Variants in HDAC9 observed in about 807,000 individuals in gnomAD.
HDAC9 encodes MEF-2 interacting transcription repressor (MITR) protein.
A neutral mutation model predicts 139.4 loss-of-function variants in HDAC9; 41 were observed. The ratio of observed to expected loss-of-function variants is 0.29; its 90% CI spans 0.23 to 0.38. The LOEUF is 0.38. Ranked by LOEUF, HDAC9 falls within the 10% of genes least tolerant of loss-of-function variation. HDAC9 has a pLI of 1.00. For synonymous variants in HDAC9, 517 were observed against 476.2 expected, an observed-to-expected ratio of 1.09 and a Z score of -1.12; for missense variants, 1,147 against 1,297.0, an observed-to-expected ratio of 0.88 and a Z score of 1.78.
At chr7:18,363,660 T>C (rs916432888) in intron 1 of HDAC9, among the ~76,000 whole-genome samples, 1 of 152,168 alleles carries the variant, frequency 6.6e-6, no homozygotes, top group African/African-American at 2.4e-5. Context: ...TTTCTGTTTC[T>C]AATTTGCCCC....
At chr7:18,125,491 T>C (rs749475798) in intron 1 of HDAC9, among the ~76,000 whole-genome samples, 1 of 152,012 alleles carries the variant, frequency 6.6e-6, no homozygotes, top group African/African-American at 2.4e-5. Flanking sequence ...TGGCTCATGA[T>C]ATATATGATT....
chr7:18,178,550 C>T (rs1010772175), intron 2 of HDAC9, among the ~76,000 whole-genome samples: 1 of 152,154 alleles, frequency 6.6e-6, no homozygotes, highest in Non-Finnish European at 1.5e-5. Context: ...GACCTACCAC[C>T]CTCTTTCCTT....
At chr7:18,358,011 C>G (rs1457683607) in intron 1 of HDAC9, among the ~76,000 whole-genome samples, 1 of 152,094 alleles carries the variant, frequency 6.6e-6, no homozygotes, top group Non-Finnish European at 1.5e-5. Flanking sequence ...GAGAGGGGCT[C>G]ATATGAATGT....
At chr7:18,397,086 A>G (rs1376635196) in intron 1 of HDAC9, among the ~76,000 whole-genome samples, 4 of 152,220 alleles carry the variant, frequency 2.6e-5, no homozygotes, top group African/African-American at 9.6e-5. Context: ...GTATTGAGAG[A>G]ATAGATTTAG....
At chr7:18,789,286 G>GCGCGCGCACACACACACACACA (rs146066951) in intron 16 of HDAC9, among the ~76,000 whole-genome samples, 8 of 148,394 alleles carry the variant, frequency 5.4e-5, no homozygotes, top group Admixed American at 2.7e-4. Flanking sequence ...ACACATACAC[G>GCGCGCGCACACACACACACACA]CACACACACA....
At chr7:18,232,706 A>G (rs755704528) in intron 2 of HDAC9, among the ~76,000 whole-genome samples, 29 of 152,178 alleles carry the variant, frequency 1.9e-4, no homozygotes, top group Non-Finnish European at 3.5e-4. Flanking sequence ...ATCAGATTGG[A>G]TTACAATAAT....
intron 1 of HDAC9, among the ~76,000 whole-genome samples, chr7:18,096,397 A>G (rs775860124): frequency 1.3e-5 from 2 of 152,202 alleles, no homozygotes; most frequent in Non-Finnish European, 2.9e-5. Flanking sequence ...TGCAAACAAC[A>G]TGATGAAAAT....
intron 25 of HDAC9, among the ~76,000 whole-genome samples, chr7:18,985,922 T>C (rs1785310163): frequency 4.8e-5 from 3 of 62,474 alleles, no homozygotes; most frequent in Non-Finnish European, 8.0e-5. Flanking sequence ...GGGTTGTTTG[T>C]TTTTTTCTTG....
chr7:18,525,034 A>G (rs145142200), intron 2 of HDAC9, among the ~76,000 whole-genome samples: 2 of 152,310 alleles, frequency 1.3e-5, no homozygotes, highest in East Asian at 3.9e-4. Flanking sequence ...AAGATTTAAT[A>G]ATAGTAATGG....
intron 1 of HDAC9, among the ~76,000 whole-genome samples, chr7:18,128,882 A>AT (rs1328708433): frequency 6.7e-6 from 1 of 149,320 alleles, no homozygotes; most frequent in Non-Finnish European, 1.5e-5. Context: ...CTCATTGCTC[A>AT]TTTTTTTCCT....
chr7:18,844,857 C>T (rs1796806888), intron 21 of HDAC9, among the ~76,000 whole-genome samples: 2 of 152,082 alleles, frequency 1.3e-5, no homozygotes, highest in African/African-American at 4.8e-5. Context: ...CTTTATATAC[C>T]CATGTTGCCT....
At chr7:18,287,324 A>G (rs1797517795), upstream of HDAC9, among the ~76,000 whole-genome samples, 1 of 152,202 alleles carries the variant, frequency 6.6e-6, no homozygotes, top group Admixed American at 6.5e-5. Context: ...ACATGTTGGC[A>G]GATACTCCAG....
chr7:18,935,777 T>C (rs1254593215), intron 22 of HDAC9, 32 bp from the exon 23 acceptor site: 1 of 1,598,950 alleles, frequency 6.3e-7, no homozygotes, highest in South Asian at 1.1e-5. Context: ...CTTGATTTAA[T>C]ACTTTGAAAT....
intron 1 of HDAC9, among the ~76,000 whole-genome samples, chr7:18,299,534 G>T (rs147634072): frequency 9.9e-4 from 151 of 152,216 alleles, no homozygotes; most frequent in African/African-American, 3.4e-3. Context: ...TTTTGGGTCT[G>T]GCTGCCATTA....
At chr7:18,204,382 C>T (rs1489157387) in intron 2 of HDAC9, among the ~76,000 whole-genome samples, 1 of 147,208 alleles carries the variant, frequency 6.8e-6, no homozygotes, top group East Asian at 2.0e-4. Context: ...AATTTCTGGC[C>T]TGATGTTATT....
intron 8 of HDAC9, among the ~76,000 whole-genome samples, chr7:18,640,730 A>C (rs1158971843): frequency 6.6e-6 from 1 of 152,048 alleles, no homozygotes; most frequent in Non-Finnish European, 1.5e-5. Context: ...TTTTATCACT[A>C]AGCCTGTGTT....
chr7:18,474,291 T>C (rs772820715), intron 1 of HDAC9, among the ~76,000 whole-genome samples: 1 of 152,222 alleles, frequency 6.6e-6, no homozygotes, highest in Non-Finnish European at 1.5e-5. Flanking sequence ...AAGTTTTTAG[T>C]TGTCTAGAAA....
intron 17 of HDAC9, among the ~76,000 whole-genome samples, chr7:18,817,712 G>A (rs2129196277): frequency 6.6e-6 from 1 of 152,318 alleles, no homozygotes; most frequent in South Asian, 2.1e-4. Flanking sequence ...TGATTGGGAG[G>A]TTAGAATGGG....
At chr7:18,582,084 C>G (rs539165128) in intron 2 of HDAC9, among the ~76,000 whole-genome samples, 2 of 152,304 alleles carry the variant, frequency 1.3e-5, no homozygotes, top group South Asian at 4.1e-4. Flanking sequence ...AGATGACCAG[C>G]AAGGACATTT....
Sources: allele counts gnomAD v4.1 joint callset (sites outside exome capture counted in the v4.1 genomes callset), GRCh38; gene constraint gnomAD v4.1.1; transcripts MANE v1.5; gene names NCBI Gene and HGNC (gene_info 2026-07-23, HGNC 2026-07-21).